The following PTK2 variants were observed in gnomAD, a reference collection of about 807,000 sequenced individuals.
PTK2 encodes protein tyrosine kinase 2, also known as focal adhesion kinase 1.
A neutral mutation model predicts 150.1 loss-of-function variants in PTK2; 45 were observed. The ratio of observed to expected loss-of-function variants is 0.30; its 90% confidence interval spans 0.24 to 0.38. The LOEUF is 0.38. Ranked by LOEUF, PTK2 falls within the 10% of genes least tolerant of loss-of-function variation. The pLI, the probability that PTK2 is intolerant of heterozygous loss-of-function variation, is 1.00. For synonymous variants in PTK2, 432 were observed against 449.2 expected, an observed-to-expected ratio of 0.96 and a Z score of 0.48; for missense variants, 919 against 1,307.3, an observed-to-expected ratio of 0.70 and a Z score of 4.58.
intron 1 of PTK2, among the ~76,000 whole-genome samples, chr8:140,956,473 A>G (rs1006705164): frequency 1.3e-5 from 2 of 152,268 alleles, no homozygotes; most frequent in African/African-American, 4.8e-5. Flanking sequence ...CTAACACTTG[A>G]TAAACAATTA....
At chr8:140,886,698 T>G (rs1318787070) in intron 3 of PTK2, among the ~76,000 whole-genome samples, 2 of 152,208 alleles carry the variant, frequency 1.3e-5, no homozygotes, top group Non-Finnish European at 2.9e-5. Flanking sequence ...TCTCTGCAGA[T>G]ACCTTCATTT....
In PTK2 at chr8:140,738,502, C is replaced by A. The variant is rs562076402; in HGVS notation, c.1825+516G>T. On this transcript the variant is annotated intron_variant, in intron 21 of 31. Coordinates refer to ENST00000522684, the Ensembl canonical transcript of PTK2. ...TGACCTTGCAGCAGGTGAGGAGGAA[C>A]AAATGAGATTATCAAAAAAGCAGAA... Among the ~76,000 whole-genome samples, 3 of 152,190 alleles carry A rather than the reference C, an allele frequency of 2.0e-5. No homozygotes were observed. In the South Asian group the frequency reaches 6.2e-4, roughly 32 times the overall value.
At chr8:140,731,251 C>T (rs117737447) in intron 22 of PTK2, among the ~76,000 whole-genome samples, 5,042 of 152,196 alleles carry the variant, frequency 0.033, 125 homozygotes, top group Middle Eastern at 0.095. Flanking sequence ...TGAGCCACTG[C>T]GCCCGGCTAA....
intron 22 of PTK2, among the ~76,000 whole-genome samples, chr8:140,719,490 C>A (rs966123241): frequency 1.3e-5 from 2 of 152,096 alleles, no homozygotes; most frequent in African/African-American, 4.8e-5. Context: ...GAGAGGGCCA[C>A]TCTCTCTGCC....
At chr8:140,988,284 G>C (rs950334191) in intron 1 of PTK2, among the ~76,000 whole-genome samples, 1 of 152,178 alleles carries the variant, frequency 6.6e-6, no homozygotes, top group African/African-American at 2.4e-5. Context: ...AACATATATT[G>C]ATCTGCAAAA....
At chr8:140,821,384 G>A (rs1003223179) in intron 8 of PTK2, 1 of 152,196 alleles carries the variant, frequency 6.6e-6, no homozygotes, top group Non-Finnish European at 1.5e-5. Flanking sequence ...GAAGAGAAAT[G>A]GGCACTTTTG....
At chr8:140,665,056 C>A in intron 30 of PTK2, 59 bp from the exon 35 acceptor site, 1 of 1,447,206 alleles carries the variant, frequency 6.9e-7, no homozygotes, top group South Asian at 1.2e-5. Context: ...TTATGCTTTT[C>A]AGTTATATAT....
At chr8:140,844,075 G>A (rs969353745) in intron 7 of PTK2, among the ~76,000 whole-genome samples, 1 of 152,094 alleles carries the variant, frequency 6.6e-6, no homozygotes, top group Non-Finnish European at 1.5e-5. Context: ...CCCTGAAGAG[G>A]GATTTGTTTG....
At chr8:140,668,044 C>A (rs905737098) in intron 30 of PTK2, among the ~76,000 whole-genome samples, 1 of 152,124 alleles carries the variant, frequency 6.6e-6, no homozygotes, top group Non-Finnish European at 1.5e-5. Context: ...CAAGACACTC[C>A]CATCCTAGTG....
At chr8:140,988,616 C>G (rs2100194297) in intron 1 of PTK2, among the ~76,000 whole-genome samples, 1 of 151,302 alleles carries the variant, frequency 6.6e-6, no homozygotes, top group Non-Finnish European at 1.5e-5. Context: ...GTAGCCCCAG[C>G]TATTCGGGAG....
intron 1 of PTK2, among the ~76,000 whole-genome samples, chr8:140,977,790 A>G (rs570670731): frequency 6.6e-6 from 1 of 152,322 alleles, no homozygotes; most frequent in East Asian, 1.9e-4. Flanking sequence ...AAAAAAATCA[A>G]AACAATAAAA....
intron 7 of PTK2, among the ~76,000 whole-genome samples, chr8:140,843,650 T>C (rs1158428501): frequency 1.3e-5 from 2 of 152,192 alleles, no homozygotes; most frequent in African/African-American, 4.8e-5. Flanking sequence ...TGTACCTTCT[T>C]AGATCATCTC....
intron 3 of PTK2, among the ~76,000 whole-genome samples, chr8:140,888,801 T>G (rs1307279727): frequency 6.6e-6 from 1 of 152,208 alleles, no homozygotes; most frequent in Non-Finnish European, 1.5e-5. Flanking sequence ...TCATAATCTT[T>G]GAAAGGTTTC....
In PTK2 at chr8:140,917,378, G is replaced by A. The variant is rs1455343694; in HGVS notation, c.-33+8283C>T. Among the ~76,000 whole-genome samples, 3 of 151,352 alleles carry A rather than the reference G, an allele frequency of 2.0e-5. No individual in the cohort carries two copies. In the East Asian group the frequency reaches 5.9e-4, roughly 30 times the overall value. On this transcript the variant is annotated intron_variant, in intron 2 of 31. Transcript: ENST00000522684. The stretch of plus-strand genomic sequence containing the variant: ...AAAGGACAGGAGAGGGGAGGGGAGG[G>A]CAGGGGAGGGCAGATGAGAGGAGAG...
intron 3 of PTK2, among the ~76,000 whole-genome samples, chr8:140,880,127 C>T (rs997917226): frequency 7.9e-5 from 12 of 152,200 alleles, no homozygotes; most frequent in Admixed American, 5.9e-4. Flanking sequence ...CAGGAACACA[C>T]AGTTAAGGCT....
intron 26 of PTK2, among the ~76,000 whole-genome samples, chr8:140,698,113 T>C (rs2100027955): frequency 6.6e-6 from 1 of 152,174 alleles, no homozygotes; most frequent in Admixed American, 6.5e-5. Context: ...ATGCTATCTA[T>C]ACTCTGCTGC....
intron 14 of PTK2, among the ~76,000 whole-genome samples, chr8:140,772,637 A>G (rs763306548): frequency 5.9e-5 from 9 of 152,202 alleles, no homozygotes; most frequent in Non-Finnish European, 1.0e-4. Context: ...TTTGGTCTTA[A>G]ACACACACTG....
At chr8:140,836,929 A>G (rs567050940) in intron 7 of PTK2, among the ~76,000 whole-genome samples, 122 of 152,386 alleles carry the variant, frequency 8.0e-4, no homozygotes, top group Non-Finnish European at 1.7e-3. Context: ...TGGTTCATTT[A>G]AAATAATTTC....
At chr8:140,893,368 C>T (rs555470866) in intron 2 of PTK2, among the ~76,000 whole-genome samples, 2 of 152,148 alleles carry the variant, frequency 1.3e-5, no homozygotes, top group Non-Finnish European at 2.9e-5. Flanking sequence ...TCCACAATAC[C>T]GAAAAGTGAT....
Sources: allele counts gnomAD v4.1 joint callset (sites outside exome capture counted in the v4.1 genomes callset), GRCh38; gene constraint gnomAD v4.1.1; transcripts MANE v1.5; gene names NCBI Gene and HGNC (gene_info 2026-07-23, HGNC 2026-07-21).